The following ELP4 variants were observed in gnomAD, a reference collection of about 807,000 sequenced individuals.
ELP4 encodes elongator acetyltransferase complex subunit 4, also known as elongator complex protein 4.
A neutral mutation model predicts 48.9 loss-of-function variants in ELP4; 51 were observed. The observed-to-expected ratio is 1.04, with a 90% CI of 0.83 to 1.32. The LOEUF (loss-of-function observed/expected upper bound fraction) is 1.32, where lower values mean the gene tolerates loss of function less well. Among genes scored for constraint, ELP4 ranks in the 40% most tolerant of loss-of-function variants. The probability of loss-of-function intolerance (pLI) is 0.00; values close to 1 mark genes in which losing one functional copy is unlikely to be tolerated. For synonymous variants in ELP4, 210 were observed against 189.2 expected, an observed-to-expected ratio of 1.11 and a Z score of -0.90; for missense variants, 519 against 514.6, an observed-to-expected ratio of 1.01 and a Z score of -0.08.
chr11:31,744,499 T>C (rs1414144688), intron 9 of ELP4, among the ~76,000 whole-genome samples: 1 of 152,168 alleles, frequency 6.6e-6, no homozygotes, highest in Non-Finnish European at 1.5e-5. Context: ...AATAAAATAC[T>C]GGCAAACTGA....
intron 9 of ELP4, among the ~76,000 whole-genome samples, chr11:31,677,060 A>T (rs1945940406): frequency 6.6e-6 from 1 of 152,232 alleles, no homozygotes; most frequent in Non-Finnish European, 1.5e-5. Flanking sequence ...GTATAGGCTT[A>T]GCTCATTCAA....
chr11:31,749,295 C>T (rs901845154), intron 9 of ELP4, among the ~76,000 whole-genome samples: 5 of 152,126 alleles, frequency 3.3e-5, no homozygotes, highest in African/African-American at 1.2e-4. Context: ...ATGAAAGCAT[C>T]AGAAAACTCT....
At chr11:31,570,362 G>A (rs1341531370) in intron 3 of ELP4, among the ~76,000 whole-genome samples, 1 of 152,070 alleles carries the variant, frequency 6.6e-6, no homozygotes, top group Non-Finnish European at 1.5e-5. Flanking sequence ...AGGCAGGAGA[G>A]GGAAGGAGTG....
chr11:31,741,881 A>G (rs1423577139), intron 9 of ELP4, among the ~76,000 whole-genome samples: 1 of 152,228 alleles, frequency 6.6e-6, no homozygotes, highest in Non-Finnish European at 1.5e-5. Context: ...CAGCAACGGA[A>G]CAAAGCTGGA....
At chr11:31,715,639 G>C (rs1289766809) in intron 9 of ELP4, among the ~76,000 whole-genome samples, 1 of 152,214 alleles carries the variant, frequency 6.6e-6, no homozygotes, top group Non-Finnish European at 1.5e-5. Context: ...TTGTAATCTA[G>C]TTGTAGAAAT....
chr11:31,701,428 C>T (rs895246236), intron 9 of ELP4, among the ~76,000 whole-genome samples: 3 of 151,900 alleles, frequency 2.0e-5, no homozygotes, highest in Non-Finnish European at 4.4e-5. Context: ...TAATTTTACA[C>T]CTACATATTT....
chr11:31,583,995 C>G (rs746582894), intron 3 of ELP4, among the ~76,000 whole-genome samples: 3 of 152,016 alleles, frequency 2.0e-5, no homozygotes, highest in Non-Finnish European at 1.5e-5. Flanking sequence ...CAGCATACTT[C>G]CAGACCAATG....
chr11:31,574,598 G>A (rs908498732), intron 3 of ELP4, among the ~76,000 whole-genome samples: 3 of 152,294 alleles, frequency 2.0e-5, no homozygotes, highest in African/African-American at 7.2e-5. Context: ...CCAGAGGAAG[G>A]ATCAGACAGC....
chr11:31,730,797 C>A (rs1354751507), intron 9 of ELP4, among the ~76,000 whole-genome samples: 1 of 152,148 alleles, frequency 6.6e-6, no homozygotes, highest in African/African-American at 2.4e-5. Context: ...TTTTAGGGGG[C>A]TGCCCAAGGG....
intron 9 of ELP4, among the ~76,000 whole-genome samples, chr11:31,656,088 G>A (rs1945427174): frequency 6.6e-6 from 1 of 151,986 alleles, no homozygotes; most frequent in Non-Finnish European, 1.5e-5. Flanking sequence ...CAGTTTTTCT[G>A]AAATTTCTTT....
chr11:31,641,884 A>G (rs543554770), intron 7 of ELP4, among the ~76,000 whole-genome samples: 6 of 152,024 alleles, frequency 3.9e-5, no homozygotes, highest in African/African-American at 1.4e-4. Context: ...GCTCTGTTTG[A>G]TATTTGGATA....
intron 5 of ELP4, among the ~76,000 whole-genome samples, chr11:31,612,331 TC>T (rs1957997436): frequency 6.6e-6 from 1 of 152,196 alleles, no homozygotes; most frequent in Non-Finnish European, 1.5e-5. Flanking sequence ...GTTACTTACC[TC>T]TTGGGAGTTT....
At chr11:31,671,943 C>T (rs961617020) in intron 9 of ELP4, among the ~76,000 whole-genome samples, 4 of 152,224 alleles carry the variant, frequency 2.6e-5, no homozygotes, top group Middle Eastern at 3.4e-3. Flanking sequence ...AGGTCTGTTA[C>T]AGTATTACGG....
intron 5 of ELP4, among the ~76,000 whole-genome samples, chr11:31,617,204 T>C (rs1243675689): frequency 2.6e-5 from 4 of 152,152 alleles, no homozygotes; most frequent in Non-Finnish European, 5.9e-5. Flanking sequence ...AAATATACCA[T>C]ATAATGAAAT....
intron 9 of ELP4, among the ~76,000 whole-genome samples, chr11:31,727,156 T>G (rs1341708323): frequency 6.9e-6 from 1 of 144,512 alleles, no homozygotes; most frequent in African/African-American, 2.5e-5. Flanking sequence ...ATTTTTACAG[T>G]TTTTTTTTTT....
At chr11:31,612,980 G>A (rs1219880964) in intron 5 of ELP4, among the ~76,000 whole-genome samples, 1 of 152,212 alleles carries the variant, frequency 6.6e-6, no homozygotes, top group African/African-American at 2.4e-5. Context: ...ATTCTAAGCT[G>A]CAGCTTTATT....
At chr11:31,589,342 T>A (rs748606877) in intron 3 of ELP4, among the ~76,000 whole-genome samples, 4 of 152,144 alleles carry the variant, frequency 2.6e-5, no homozygotes, top group Non-Finnish European at 5.9e-5. Context: ...ATACATGAAA[T>A]GTCGAAGAAT....
chr11:31,636,190 C>G (rs542644196), intron 7 of ELP4, among the ~76,000 whole-genome samples: 1 of 151,862 alleles, frequency 6.6e-6, no homozygotes, highest in Non-Finnish European at 1.5e-5. Flanking sequence ...ACTTTTTCAA[C>G]AATGTAAAAG....
At chr11:31,615,968 AT>A (rs1377933009) in intron 5 of ELP4, among the ~76,000 whole-genome samples, 1 of 151,886 alleles carries the variant, frequency 6.6e-6, no homozygotes, top group Non-Finnish European at 1.5e-5. Context: ...TACTATTTTT[AT>A]TTTTTCATAT....
Sources: gnomAD v4.1 joint callset for allele counts (sites outside exome capture counted in the v4.1 genomes callset) on GRCh38, gnomAD v4.1.1 for gene constraint, MANE v1.5 for transcripts, NCBI Gene and HGNC (gene_info 2026-07-23, HGNC 2026-07-21) for gene names.